CECR2: variants seen among roughly 807,000 people sequenced by gnomAD.
CECR2 encodes CECR2 histone acetyl-lysine reader, also known as chromatin remodeling regulator CECR2.
CECR2 carries 30 observed loss-of-function variants against 154.5 expected under a neutral mutation model. The observed-to-expected ratio is 0.19, with a 90% CI of 0.15 to 0.26. The LOEUF (loss-of-function observed/expected upper bound fraction) is 0.26, where lower values mean the gene tolerates loss of function less well. CECR2 is among the 10% of genes least tolerant of loss of function. CECR2 has a pLI of 1.00. For synonymous variants in CECR2, 725 were observed against 683.7 expected (o/e 1.06, Z -0.94); for missense variants, 1,743 against 1,829.3 (o/e 0.95, Z 0.86).
intron 1 of CECR2, among the ~76,000 whole-genome samples, chr22:17,427,906 T>C (rs1339398998): frequency 6.6e-6 from 1 of 152,220 alleles, no homozygotes; most frequent in African/African-American, 2.4e-5. Context: ...CGCCACACTG[T>C]CTTCCAAAAT....
At chr22:17,426,368 T>C (rs896614842) in intron 1 of CECR2, among the ~76,000 whole-genome samples, 1 of 152,176 alleles carries the variant, frequency 6.6e-6, no homozygotes, top group Non-Finnish European at 1.5e-5. Context: ...TTTTTTTTTT[T>C]CTTCCCTGAG....
intron 2 of CECR2, among the ~76,000 whole-genome samples, chr22:17,494,704 G>C (rs1205302214): frequency 1.3e-5 from 2 of 151,572 alleles, no homozygotes; most frequent in Admixed American, 1.3e-4. Flanking sequence ...GTGTTTTTTT[G>C]TTTTTTTTGA....
intron 1 of CECR2, among the ~76,000 whole-genome samples, chr22:17,397,394 AGGGCT>A (rs1222270286): frequency 6.6e-6 from 1 of 152,104 alleles, no homozygotes; most frequent in Non-Finnish European, 1.5e-5. Context: ...CGCCTCCCAA[AGGGCT>A]GGGATTACAG....
chr22:17,364,342 CA>C lies in CECR2; in HGVS notation c.-364+4339del, dbSNP rs59134897. On this transcript the variant is annotated intron_variant, in intron 1 of 18. Transcript: ENST00000400585. ...TGGACGACAGAGCAAGACTCTGTCT[CA>C]AAAAAAAAAAAAAAAAAAAGAATTT... 2.5e-3 allele frequency among the ~76,000 whole-genome samples: 135 copies of C among 52,946 alleles called. 1 individual carries two copies. The highest frequency in any genetic ancestry group is 6.9e-3 in the African/African-American group (64 of 9,274). The allele number at this position is 52,946 out of a possible 152,430, so 34.7% of individuals were successfully genotyped here.
At chr22:17,494,287 C>T (rs916418291) in intron 2 of CECR2, among the ~76,000 whole-genome samples, 3 of 152,040 alleles carry the variant, frequency 2.0e-5, no homozygotes, top group Admixed American at 6.6e-5. Context: ...TTAGTAGAGA[C>T]GGGGTTTCTC....
chr22:17,546,896 G>A (rs74596889), intron 16 of CECR2, among the ~76,000 whole-genome samples: 46 of 151,538 alleles, frequency 3.0e-4, no homozygotes, highest in Non-Finnish European at 4.7e-4. Context: ...AAAATTAGCC[G>A]GGCATGGTGG....
In CECR2 at chr22:17,477,696, A is replaced by G. The variant is rs1012940864; in HGVS notation, c.221+14A>G. On this transcript the variant is annotated intron_variant, in intron 2 of 18. Coordinates refer to ENST00000262608, the MANE Select transcript of CECR2 (RefSeq NM_001290047.2). ...AAGAGATATCACGTGAGTAATTCTG[A>G]TCTTTCTAAGCATTTCTTGCGCCAA... The G allele has an allele frequency of 8.3e-6, 13 of 1,571,304 alleles. No individual in the cohort carries two copies. The highest frequency in any genetic ancestry group is 1.1e-5 in the Non-Finnish European group (13 of 1,141,434).
At chr22:17,540,349 A>C in intron 13 of CECR2, 63 bp from the exon 14 acceptor site, 2 of 1,380,264 alleles carry the variant, frequency 1.4e-6, no homozygotes, top group African/African-American at 2.9e-5. Context: ...TCTATAAACT[A>C]TAGTTTCTAT....
chr22:17,509,703 A>G (rs1008228395), intron 7 of CECR2, among the ~76,000 whole-genome samples: 7 of 152,212 alleles, frequency 4.6e-5, no homozygotes, highest in African/African-American at 1.7e-4. Context: ...ACCCATGTCA[A>G]TGTACAGAGC....
At chr22:17,537,337 A>T in intron 10 of CECR2, 105 bp downstream of exon 10, 1 of 1,340,056 alleles carries the variant, frequency 7.5e-7, no homozygotes, top group Non-Finnish European at 1.0e-6. Flanking sequence ...GTTGGGTAAC[A>T]TGGTCACCAT....
intron 1 of CECR2, among the ~76,000 whole-genome samples, chr22:17,403,219 G>A (rs2053923955): frequency 6.6e-6 from 1 of 152,152 alleles, no homozygotes; most frequent in Admixed American, 6.5e-5. Flanking sequence ...TTGGCCATTG[G>A]AAATTCTTTC....
intron 1 of CECR2, among the ~76,000 whole-genome samples, chr22:17,447,613 A>C (rs1471752513): frequency 6.6e-6 from 1 of 151,788 alleles, no homozygotes; most frequent in African/African-American, 2.4e-5. Flanking sequence ...TAAATAAAAT[A>C]AAATCACATA....
chr22:17,443,653 C>T (rs552709822), intron 1 of CECR2, among the ~76,000 whole-genome samples: 4 of 152,306 alleles, frequency 2.6e-5, no homozygotes, highest in East Asian at 1.9e-4. Context: ...CGCAGCACCC[C>T]GCACCTTCAC....
At chr22:17,526,830 A>G (rs1034134075) in intron 9 of CECR2, among the ~76,000 whole-genome samples, 2 of 149,954 alleles carry the variant, frequency 1.3e-5, no homozygotes, top group African/African-American at 4.9e-5. Flanking sequence ...AAAAAAAAAA[A>G]GAATTATATC....
intron 2 of CECR2, among the ~76,000 whole-genome samples, chr22:17,478,352 AT>A (rs56010603): frequency 0.012 from 1,388 of 118,940 alleles, 11 homozygotes; most frequent in African/African-American, 0.039. Flanking sequence ...ATGGTATCAA[AT>A]TTTTTTTTTT....
At chr22:17,506,631 A>G (rs1299483009) in intron 7 of CECR2, among the ~76,000 whole-genome samples, 1 of 151,880 alleles carries the variant, frequency 6.6e-6, no homozygotes, top group Non-Finnish European at 1.5e-5. Flanking sequence ...ACTTAATGTC[A>G]TTTCTTTTCA....
At chr22:17,528,614 C>T (rs1014297751) in intron 9 of CECR2, among the ~76,000 whole-genome samples, 2 of 152,076 alleles carry the variant, frequency 1.3e-5, no homozygotes, top group Admixed American at 1.3e-4. Context: ...GGTCTCACTG[C>T]AACCTCCACT....
At chr22:17,494,282 A>AAATAC (rs2055582123) in intron 2 of CECR2, among the ~76,000 whole-genome samples, 1 of 152,128 alleles carries the variant, frequency 6.6e-6, no homozygotes, top group African/African-American at 2.4e-5. Flanking sequence ...TTACTTTAGT[A>AAATAC]GAGACGGGGT....
intron 9 of CECR2, among the ~76,000 whole-genome samples, chr22:17,530,824 T>C (rs900549227): frequency 6.6e-6 from 1 of 152,120 alleles, no homozygotes; most frequent in African/African-American, 2.4e-5. Context: ...TGAAACATGC[T>C]ACAACATGGA....
Sources: allele counts gnomAD v4.1 joint callset (sites outside exome capture counted in the v4.1 genomes callset), GRCh38; gene constraint gnomAD v4.1.1; transcripts MANE v1.5; gene names NCBI Gene and HGNC (gene_info 2026-07-23, HGNC 2026-07-21).